The following CDH18 variants were observed in gnomAD, a reference collection of about 807,000 sequenced individuals.
CDH18 encodes the protein cadherin 18.
In CDH18, 31 loss-of-function variants were observed where a neutral mutation model predicts 67.9. The observed-to-expected ratio is 0.46, with a 90% CI of 0.34 to 0.62. The LOEUF is 0.62. Ranked by LOEUF, CDH18 falls within the 20% of genes least tolerant of loss-of-function variation. The pLI, the probability that CDH18 is intolerant of heterozygous loss-of-function variation, is 0.01. For missense variants in CDH18, 890 were observed against 975.5 expected, an observed-to-expected ratio of 0.91 and a Z score of 1.17; for synonymous variants, 362 against 347.2, an observed-to-expected ratio of 1.04 and a Z score of -0.48.
At chr5:19,475,151 G>A (rs1220916221) in intron 12 of CDH18, among the ~76,000 whole-genome samples, 1 of 151,270 alleles carries the variant, frequency 6.6e-6, no homozygotes, top group African/African-American at 2.4e-5. Flanking sequence ...AAAAATAAAT[G>A]GCAGGATTCT....
chr5:20,294,137 T>C (rs1338471520), intron 1 of CDH18, among the ~76,000 whole-genome samples: 3 of 152,174 alleles, frequency 2.0e-5, no homozygotes, highest in Non-Finnish European at 4.4e-5. Context: ...CTTTTCCATA[T>C]GTGAGTTTTT....
In CDH18 at chr5:19,838,923, A is replaced by G. The variant is rs769106719; in HGVS notation, c.64T>C (p.Cys22Arg). Reference protein sequence around the residue: ...VLVCLCFVQRCYGTAHHSSIK... With the variant: ...VLVCLCFVQRRYGTAHHSSIK... ...GAGCTGTGGTGAGCAGTTCCATAAC[A>G]CCTCTGCACAAAACAGAGACACACT... is the stretch of plus-strand genomic sequence containing the variant. The change falls in exon 3 of 13, where the codon TGT becomes CGT. Residue 22 changes from cysteine to arginine, a missense_variant. Transcript: ENST00000382275. 25 of 1,613,938 alleles carry G rather than the reference A, an allele frequency of 1.5e-5. No homozygotes were observed. In the South Asian group the frequency reaches 2.7e-4, roughly 18 times the overall value.
intron 2 of CDH18, among the ~76,000 whole-genome samples, chr5:20,130,255 C>T (rs988792428): frequency 2.6e-5 from 4 of 151,622 alleles, no homozygotes; most frequent in Admixed American, 2.6e-4. Context: ...GAGAGACAGA[C>T]ATTTGTTTTA....
intron 2 of CDH18, among the ~76,000 whole-genome samples, chr5:20,091,797 A>C (rs1455543930): frequency 6.6e-6 from 1 of 152,164 alleles, no homozygotes; most frequent in Non-Finnish European, 1.5e-5. Context: ...AAATTAAAAA[A>C]AAAACCTTAA....
At position 19,747,207 on chromosome 5, in the gene CDH18, T is replaced by G. The variant is rs1770139237; in HGVS notation, c.258A>C (p.Gly86=). The G allele has an allele frequency of 1.9e-6, 3 of 1,613,722 alleles. No individual in the cohort carries two copies. The highest frequency in any genetic ancestry group is 2.2e-5 in the South Asian group (2 of 91,072). The change falls in exon 4 of 13, where the codon GGA becomes GGC. Residue 86 remains glycine (G), a synonymous_variant. Coordinates refer to ENST00000382275, the MANE Select transcript of CDH18 (RefSeq NM_004934.5). ...KLHSNSDKGD[G]SVKYILTGEG... ...CTCCAGTAAGGATGTACTTGACAGA[T>G]CCATCACCTTTGTCAGAATTGGAGT...
chr5:20,301,909 T>C (rs1261659621), intron 1 of CDH18, among the ~76,000 whole-genome samples: 4 of 151,308 alleles, frequency 2.6e-5, no homozygotes, highest in African/African-American at 9.7e-5. Flanking sequence ...TGTCCTTCCA[T>C]GGAAAACATA....
chr5:20,470,476 A>T (rs1378361134), intron 1 of CDH18, among the ~76,000 whole-genome samples: 1 of 152,042 alleles, frequency 6.6e-6, no homozygotes, highest in African/African-American at 2.4e-5. Flanking sequence ...TCTATTCTGT[A>T]ACTTTTCTGT....
At chr5:19,809,844 C>T (rs1040214395) in intron 3 of CDH18, among the ~76,000 whole-genome samples, 2 of 151,944 alleles carry the variant, frequency 1.3e-5, no homozygotes, top group African/African-American at 4.8e-5. Flanking sequence ...CCCATTTTTT[C>T]CCATCATAAA....
intron 1 of CDH18, among the ~76,000 whole-genome samples, chr5:20,562,006 C>CA (rs1758246076): frequency 6.6e-6 from 1 of 151,484 alleles, no homozygotes. Flanking sequence ...CTATTATGAA[C>CA]AAAAAGTGTA....
chr5:20,111,688 G>T (rs1195598269), intron 2 of CDH18, among the ~76,000 whole-genome samples: 1 of 150,806 alleles, frequency 6.6e-6, no homozygotes, highest in African/African-American at 2.4e-5. Flanking sequence ...GGGGCTACAA[G>T]AGTGCGCCAC....
chr5:20,428,539 G>A (rs1321112733), intron 1 of CDH18, among the ~76,000 whole-genome samples: 1 of 152,160 alleles, frequency 6.6e-6, no homozygotes, highest in African/African-American at 2.4e-5. Context: ...CATAGTGGTT[G>A]AAATAATTTA....
At chr5:19,576,604 G>T (rs549688624) in intron 7 of CDH18, among the ~76,000 whole-genome samples, 19 of 152,220 alleles carry the variant, frequency 1.2e-4, no homozygotes, top group African/African-American at 4.6e-4. Context: ...ACAAGTATTG[G>T]CAAGGATGTG....
At chr5:19,658,298 T>G (rs181092656) in intron 5 of CDH18, among the ~76,000 whole-genome samples, 1 of 152,242 alleles carries the variant, frequency 6.6e-6, no homozygotes, top group Non-Finnish European at 1.5e-5. Context: ...AAAATTATTT[T>G]TAATTAAAAC....
chr5:20,014,846 T>G (rs976254505), intron 2 of CDH18, among the ~76,000 whole-genome samples: 13 of 152,096 alleles, frequency 8.5e-5, no homozygotes, highest in African/African-American at 3.1e-4. Context: ...ATATTTATCA[T>G]AGTGAACTAT....
At chr5:19,784,367 AT>A (rs1775472838) in intron 3 of CDH18, among the ~76,000 whole-genome samples, 1 of 152,162 alleles carries the variant, frequency 6.6e-6, no homozygotes, top group African/African-American at 2.4e-5. Flanking sequence ...GCAACTTGAA[AT>A]TTTTAGTTAA....
chr5:20,280,564 T>C (rs1285111696), intron 1 of CDH18, among the ~76,000 whole-genome samples: 1 of 152,218 alleles, frequency 6.6e-6, no homozygotes, highest in African/African-American at 2.4e-5. Flanking sequence ...TGCATAGTAT[T>C]CCATGGTGTA....
chr5:20,127,279 T>G (rs1251515715), intron 2 of CDH18, among the ~76,000 whole-genome samples: 2 of 152,016 alleles, frequency 1.3e-5, no homozygotes, highest in African/African-American at 4.8e-5. Flanking sequence ...CACCACTGAT[T>G]GTAAGTTTTC....
chr5:19,838,810 C>T lies in CDH18; in HGVS notation c.177G>A (p.Gln59=). The T allele has an allele frequency of 6.2e-7, 1 of 1,613,960 alleles. No homozygotes were observed. The highest frequency in any genetic ancestry group is 1.1e-5 in the South Asian group (1 of 91,086). The change falls in exon 3 of 13, where the codon CAG becomes CAA. Residue 59 remains glutamine (Q), a synonymous_variant. Transcript: ENST00000382275. ...HRPKRGWVWN[Q]FFVLEEHMGP... The stretch of plus-strand genomic sequence containing the variant: ...CCATATGTTCTTCTAAAACAAAGAA[C>T]TGATTCCATACCCATCCCCTTTTGG...
At chr5:20,307,824 G>A (rs1736605300) in intron 1 of CDH18, among the ~76,000 whole-genome samples, 1 of 152,116 alleles carries the variant, frequency 6.6e-6, no homozygotes, top group South Asian at 2.1e-4. Flanking sequence ...GTTTATGGCA[G>A]AGTCTCAGCT....
Sources: gnomAD v4.1 joint callset for allele counts (sites outside exome capture counted in the v4.1 genomes callset) on GRCh38, gnomAD v4.1.1 for gene constraint, MANE v1.5 for transcripts, NCBI Gene and HGNC (gene_info 2026-07-23, HGNC 2026-07-21) for gene names.